The following MSH4 variants were observed in gnomAD, a reference collection of about 807,000 sequenced individuals.
MSH4 encodes the protein mutS homolog 4, also known as mutS protein homolog 4.
Under a neutral mutation model 113.7 loss-of-function variants are expected in MSH4, and 106 were observed. The ratio of observed to expected loss-of-function variants is 0.93; its 90% CI spans 0.80 to 1.10. MSH4 has a LOEUF of 1.10. Ranked by LOEUF, MSH4 falls within the 50% of genes least tolerant of loss-of-function variation. The probability of loss-of-function intolerance (pLI) is 0.00; values close to 1 mark genes in which losing one functional copy is unlikely to be tolerated. For synonymous variants in MSH4, 368 were observed against 380.2 expected (o/e 0.97, Z 0.37); for missense variants, 1,061 against 1,093.7 (o/e 0.97, Z 0.42).
chr1:75,800,262 C>G (rs1649906839), intron 1 of MSH4, among the ~76,000 whole-genome samples: 1 of 152,180 alleles, frequency 6.6e-6, no homozygotes, highest in Admixed American at 6.5e-5. Flanking sequence ...GATAGCACCC[C>G]TACACCCTGT....
chr1:75,834,138 G>T (rs987598938), intron 7 of MSH4, among the ~76,000 whole-genome samples: 3 of 152,024 alleles, frequency 2.0e-5, no homozygotes, highest in Non-Finnish European at 2.9e-5. Flanking sequence ...CAGACACTTC[G>T]CAAAAGAAGA....
Position 75,797,218 on chromosome 1 carries a change from G to T in MSH4, c.233G>T (p.Arg78Leu), listed in dbSNP as rs370096482. The T allele has an allele frequency of 1.8e-5, 29 of 1,604,396 alleles. No individual in the cohort carries two copies. The highest frequency in any genetic ancestry group is 2.4e-5 in the Non-Finnish European group (28 of 1,175,990). The change falls in exon 1 of 20, where the codon CGG becomes CTG. Residue 78 changes from arginine to leucine, a missense_variant. Coordinates refer to ENST00000263187, the MANE Select transcript of MSH4 (RefSeq NM_002440.4). ...CTTCCCTGCCCCGCGCCAAACTCCC[G>T]GCCAGCTCAAGGCAAGGAGTGATTG... ...SSLPCPAPNS[R>L]PAQGSYFGNK...
At chr1:75,857,277 A>T (rs947607141) in intron 8 of MSH4, among the ~76,000 whole-genome samples, 5 of 152,264 alleles carry the variant, frequency 3.3e-5, no homozygotes, top group African/African-American at 1.2e-4. Context: ...CACTGTGCAG[A>T]AGCTCTTTAG....
intron 9 of MSH4, among the ~76,000 whole-genome samples, chr1:75,874,154 T>A (rs1651768825): frequency 6.6e-6 from 1 of 152,214 alleles, no homozygotes; most frequent in African/African-American, 2.4e-5. Flanking sequence ...TGGCTTTGAT[T>A]CACATTTCTC....
At chr1:75,809,214 C>G (rs900038679) in intron 3 of MSH4, among the ~76,000 whole-genome samples, 1 of 152,060 alleles carries the variant, frequency 6.6e-6, no homozygotes, top group Non-Finnish European at 1.5e-5. Context: ...AGCCATCGAG[C>G]CTAGTTAATT....
At chr1:75,803,983 GTTA>G (rs1650000922) in intron 2 of MSH4, 70 bp downstream of exon 2, 7 of 1,097,838 alleles carry the variant, frequency 6.4e-6, no homozygotes, top group Non-Finnish European at 6.1e-6. Flanking sequence ...ATAAATTAGG[GTTA>G]TTAAGTTCAT....
At chr1:75,834,087 G>C (rs1490184248) in intron 7 of MSH4, among the ~76,000 whole-genome samples, 1 of 151,984 alleles carries the variant, frequency 6.6e-6, no homozygotes, top group Non-Finnish European at 1.5e-5. Flanking sequence ...AAATGTACAA[G>C]AAAAAATCAA....
intron 4 of MSH4, 103 bp from the exon 5 acceptor site, chr1:75,814,918 T>A (rs1650264513): frequency 1.5e-6 from 1 of 645,808 alleles, no homozygotes. Context: ...TTGAAATTTT[T>A]ATACAATATT....
In MSH4 at chr1:75,912,772, C is replaced by T. The variant is rs1652817931; in HGVS notation, c.2696C>T (p.Ala899Val). 1 of 1,595,202 alleles carries T rather than the reference C, an allele frequency of 6.3e-7. No homozygotes were observed. The highest frequency in any genetic ancestry group is 8.5e-7 in the Non-Finnish European group (1 of 1,171,540). The change falls in exon 20 of 20, where the codon GCT (alanine) becomes GTT (valine). Residue 899 changes from alanine to valine, a missense_variant. Coordinates refer to ENST00000263187, the MANE Select transcript of MSH4 (RefSeq NM_002440.4). ...CTAGCCACTAGGCTTGTTCAAACTG[C>T]TCGAAACTCTCAATTGGATCCAGAC... The part of the protein sequence containing the change: ...YHLATRLVQT[A>V]RNSQLDPDSL...
Position 75,890,716 on chromosome 1 carries a change from T to C in MSH4, c.2247T>C (p.Asn749=), listed in dbSNP as rs2100582867. 6.3e-7 allele frequency: 1 copy of C among 1,586,278 alleles called. No individual in the cohort carries two copies. Among genetic ancestry groups the C allele is most frequent in the East Asian group, 2.3e-5 (1 of 44,408 alleles). ...TTCAGATAGCATATATTCTACATAA[T>C]GCTAATGACAAATCGCTCATATTAA... ...EMKEIAYILH[N]ANDKSLILID... The change falls in exon 17 of 20, where the codon AAT becomes AAC. Residue 749 remains asparagine, a synonymous_variant. Coordinates refer to ENST00000263187, the MANE Select transcript of MSH4 (RefSeq NM_002440.4).
chr1:75,890,857 G>A, intron 17 of MSH4, 33 bp downstream of exon 17: 1 of 1,457,810 alleles, frequency 6.9e-7, no homozygotes, highest in Non-Finnish European at 9.5e-7. Flanking sequence ...TTGATTTTGA[G>A]TCCTTCTTTA....
At chr1:75,843,490 G>T (rs571029349) in intron 7 of MSH4, among the ~76,000 whole-genome samples, 6 of 152,076 alleles carry the variant, frequency 3.9e-5, no homozygotes, top group African/African-American at 1.4e-4. Flanking sequence ...TATATTTTGG[G>T]GTTAAATATT....
chr1:75,867,089 A>G (rs1041238963), intron 8 of MSH4, among the ~76,000 whole-genome samples: 3 of 152,336 alleles, frequency 2.0e-5, no homozygotes, highest in African/African-American at 7.2e-5. Context: ...ACAGGAACCA[A>G]TGAGGGAAAT....
Position 75,807,109 on chromosome 1 carries a change from TC to T in MSH4, c.559del (p.Gln187SerfsTer11). ...TTTAAAAAACCCCCAAATTATACTA[TC>T]CCAGTTTGCAGACAACACAACATAT... ...IDLKNPQIIL[S>X]QFADNTTYAK... On this transcript the variant is annotated frameshift_variant, in exon 3 of 20. Coordinates refer to ENST00000263187, the MANE Select transcript of MSH4 (RefSeq NM_002440.4). LOFTEE classifies it high-confidence loss of function. 9 of 1,574,450 alleles carry T rather than the reference TC, an allele frequency of 5.7e-6. No homozygotes were observed. Among genetic ancestry groups the T allele is most frequent in the South Asian group, 1.2e-5 (1 of 82,760 alleles).
chr1:75,881,193 G>A (rs1035592332), intron 13 of MSH4, 53 bp from the exon 14 acceptor site: 145 of 1,401,684 alleles, frequency 1.0e-4, no homozygotes, highest in Middle Eastern at 3.8e-4. Context: ...CGATTACAAT[G>A]TATGTCCCTT....
chr1:75,835,355 T>G (rs1369574758), intron 7 of MSH4, among the ~76,000 whole-genome samples: 1 of 152,194 alleles, frequency 6.6e-6, no homozygotes, highest in African/African-American at 2.4e-5. Context: ...AAAGAGGCCA[T>G]TTTTAACTAT....
intron 19 of MSH4, among the ~76,000 whole-genome samples, chr1:75,909,030 G>C (rs1344810768): frequency 6.6e-6 from 1 of 152,156 alleles, no homozygotes; most frequent in Non-Finnish European, 1.5e-5. Flanking sequence ...AGTTTTACAG[G>C]CTGGAGTTTC....
At chr1:75,832,520 G>C (rs568297410) in intron 7 of MSH4, among the ~76,000 whole-genome samples, 1 of 152,072 alleles carries the variant, frequency 6.6e-6, no homozygotes, top group East Asian at 1.9e-4. Flanking sequence ...GATGAACATC[G>C]ATGCAAAAAT....
intron 19 of MSH4, among the ~76,000 whole-genome samples, chr1:75,908,376 C>T (rs145537866): frequency 0.028 from 4,190 of 152,192 alleles, 63 homozygotes; most frequent in African/African-American, 0.032. Flanking sequence ...AAACTCCTGA[C>T]CTCAAATGAT....
Sources: allele counts gnomAD v4.1 joint callset (sites outside exome capture counted in the v4.1 genomes callset), GRCh38; gene constraint gnomAD v4.1.1; transcripts MANE v1.5; gene names NCBI Gene and HGNC (gene_info 2026-07-23, HGNC 2026-07-21).